VWDE: variants seen among roughly 807,000 people sequenced by gnomAD.
VWDE encodes von Willebrand factor D and EGF domain-containing protein.
A neutral mutation model predicts 178.4 loss-of-function variants in VWDE; 207 were observed. The ratio of observed to expected loss-of-function variants is 1.16; its 90% CI spans 1.04 to 1.30. The LOEUF (loss-of-function observed/expected upper bound fraction) is 1.30. Ranked by LOEUF, VWDE falls within the 50% of genes most tolerant of loss-of-function variation. The probability of loss-of-function intolerance (pLI) is 0.00; values close to 1 mark genes in which losing one functional copy is unlikely to be tolerated. For synonymous variants in VWDE, 738 were observed against 651.4 expected (o/e 1.13, Z -2.02); for missense variants, 2,287 against 1,901.3 (o/e 1.20, Z -3.77).
chr7:12,394,970 C>T (rs1047350388), intron 1 of VWDE, among the ~76,000 whole-genome samples: 3 of 151,982 alleles, frequency 2.0e-5, no homozygotes, highest in Non-Finnish European at 4.4e-5. Flanking sequence ...GTGTAGCCTA[C>T]GAAAAATAAG....
chr7:12,361,054 T>G lies in VWDE; in HGVS notation c.3159+93A>C. 5.3e-6 allele frequency: 4 copies of G among 752,468 alleles called. No homozygotes were observed. In the South Asian group the frequency reaches 9.5e-5, roughly 18 times the overall value. The allele number at this position is 752,468 out of a possible 1,614,324, so 46.6% of individuals were successfully genotyped here. A position where few individuals can be genotyped will look rare whatever the true frequency, so the allele number is the denominator to read the frequency against. On this transcript the variant is annotated intron_variant, in intron 15 of 28. Transcript: ENST00000275358. ...CTTTTCTCTATTAGTTTTTCTGGTATAAAAGTGAAAAAACTACAATTAATG... is the reference window on the plus strand; with the variant it reads ...CTTTTCTCTATTAGTTTTTCTGGTAGAAAAGTGAAAAAACTACAATTAATG...
Position 12,375,234 on chromosome 7 carries a change from A to C in VWDE, c.1025-7T>G. ...AAGCCTAGGTGCTCTCTACCTATTT[A>C]ATGAAAAAATAGGTTTAAAAATTTC... On this transcript the variant is annotated splice_region_variant and splice_polypyrimidine_tract_variant and intron_variant, in intron 7 of 28. Transcript: ENST00000275358. 1 of 1,545,266 alleles carries C rather than the reference A, an allele frequency of 6.5e-7. No individual in the cohort carries two copies. Among genetic ancestry groups the C allele is most frequent in the Non-Finnish European group, 8.8e-7 (1 of 1,142,226 alleles).
intron 28 of VWDE, among the ~76,000 whole-genome samples, chr7:12,332,064 G>A (rs544420943): frequency 6.6e-6 from 1 of 152,072 alleles, no homozygotes. Context: ...GAAGAGGGGA[G>A]CAAGGGATGG....
At chr7:12,332,010 A>C (rs1780749041) in intron 28 of VWDE, among the ~76,000 whole-genome samples, 1 of 152,090 alleles carries the variant, frequency 6.6e-6, no homozygotes, top group African/African-American at 2.4e-5. Context: ...AGGAAGAGCC[A>C]GGAGGTAGTT....
At chr7:12,340,028 A>G (rs1438742438) in intron 24 of VWDE, among the ~76,000 whole-genome samples, 3 of 152,204 alleles carry the variant, frequency 2.0e-5, no homozygotes, top group Non-Finnish European at 4.4e-5. Flanking sequence ...CAATTTCATT[A>G]TAACAGACTA....
chr7:12,338,239 C>A (rs1200934440), intron 24 of VWDE, among the ~76,000 whole-genome samples: 1 of 151,840 alleles, frequency 6.6e-6, no homozygotes, highest in Admixed American at 6.6e-5. Context: ...TTTTAGCAAA[C>A]AGATAATTTC....
At chr7:12,384,453 A>G (rs1784001210) in intron 3 of VWDE, among the ~76,000 whole-genome samples, 1 of 152,102 alleles carries the variant, frequency 6.6e-6, no homozygotes, top group Non-Finnish European at 1.5e-5. Flanking sequence ...GTCCAAACCC[A>G]TAGAATTTAC....
At chr7:12,337,701 C>T (rs1415761957) in intron 24 of VWDE, among the ~76,000 whole-genome samples, 4 of 152,154 alleles carry the variant, frequency 2.6e-5, no homozygotes, top group Admixed American at 6.5e-5. Flanking sequence ...AATTAGCTTT[C>T]GAGTACTTAC....
Position 12,383,751 on chromosome 7 carries a change from T to A in VWDE, c.476-150A>T, listed in dbSNP as rs539072241. On this transcript the variant is annotated intron_variant, in intron 3 of 28. Coordinates refer to ENST00000275358, the MANE Select transcript of VWDE (RefSeq NM_001135924.3). Reference sequence around the variant, plus strand: ...TTATTTCATAACATTTTTTTCCTTTTAAGGGTGAGATCAAATGAAAAGATA... The same window carrying A: ...TTATTTCATAACATTTTTTTCCTTTAAAGGGTGAGATCAAATGAAAAGATA... 22 of 644,682 alleles carry A rather than the reference T, an allele frequency of 3.4e-5. No individual in the cohort carries two copies. The South Asian group carries it at 5.0e-4, about 15-fold the overall frequency. The allele number at this position is 644,682 out of a possible 1,614,324, so 39.9% of individuals were successfully genotyped here.
At chr7:12,362,625 G>C (rs1336538975) in intron 13 of VWDE, among the ~76,000 whole-genome samples, 1 of 152,054 alleles carries the variant, frequency 6.6e-6, no homozygotes, top group Middle Eastern at 3.2e-3. Flanking sequence ...ACTGTCAAAT[G>C]TTTTCAACCA....
chr7:12,364,267 C>T (rs1020346538), intron 13 of VWDE, among the ~76,000 whole-genome samples: 5 of 151,942 alleles, frequency 3.3e-5, no homozygotes, highest in Non-Finnish European at 7.4e-5. Flanking sequence ...ATTAAAAGGG[C>T]CAAGAAGGAT....
chr7:12,347,905 T>C (rs1431907117), intron 19 of VWDE, among the ~76,000 whole-genome samples: 1 of 151,978 alleles, frequency 6.6e-6, no homozygotes, highest in Non-Finnish European at 1.5e-5. Context: ...AACAGAACCC[T>C]CAGAAATAAC....
At chr7:12,336,300 A>G in intron 26 of VWDE, 64 bp from the exon 27 acceptor site, 1 of 1,356,254 alleles carries the variant, frequency 7.4e-7, no homozygotes, top group Non-Finnish European at 1.0e-6. Context: ...TCCATAACCC[A>G]CAAAACTTTT....
chr7:12,393,723 G>T lies in VWDE; in HGVS notation c.114C>A (p.Val38=). The T allele has an allele frequency of 6.4e-7, 1 of 1,551,234 alleles. No individual in the cohort carries two copies. The highest frequency in any genetic ancestry group is 8.7e-7 in the Non-Finnish European group (1 of 1,146,684). The stretch of plus-strand genomic sequence containing the variant: ...GCTGGAGGTGCCATGAGTCAAAACG[G>T]ACACTTCTATAAGGACTCCGAAGAA... ...HQFLRSPYRS[V]RFDSWHLQQS... The change falls in exon 2 of 29, where the codon GTC becomes GTA. Residue 38 remains valine, a synonymous_variant. Coordinates refer to ENST00000275358, the MANE Select transcript of VWDE (RefSeq NM_001135924.3).
intron 9 of VWDE, 41 bp downstream of exon 9, chr7:12,374,648 G>T: frequency 1.5e-6 from 2 of 1,357,520 alleles, no homozygotes; most frequent in Non-Finnish European, 2.0e-6. Flanking sequence ...CAAAATCAAA[G>T]CAAACAAAAC....
At chr7:12,373,759 T>G (rs543921445) in intron 9 of VWDE, among the ~76,000 whole-genome samples, 1 of 152,278 alleles carries the variant, frequency 6.6e-6, no homozygotes, top group East Asian at 1.9e-4. Flanking sequence ...CCCCAGTACT[T>G]AGAACTTGGC....
At chr7:12,378,342 C>G (rs144890422) in intron 6 of VWDE, among the ~76,000 whole-genome samples, 1 of 152,296 alleles carries the variant, frequency 6.6e-6, no homozygotes, top group African/African-American at 2.4e-5. Flanking sequence ...AATTTAAGTA[C>G]TTTTAATACA....
intron 2 of VWDE, among the ~76,000 whole-genome samples, chr7:12,391,873 C>A (rs557886210): frequency 8.5e-5 from 13 of 152,058 alleles, no homozygotes; most frequent in Non-Finnish European, 1.3e-4. Context: ...TCTCCAGGGG[C>A]CAATGGTAGT....
chr7:12,369,745 C>T lies in VWDE; in HGVS notation c.2561G>A (p.Gly854Asp), dbSNP rs1783061447. The T allele has an allele frequency of 1.9e-6, 3 of 1,551,476 alleles. No homozygotes were observed. The highest frequency in any genetic ancestry group is 2.0e-5 in the Admixed American group (1 of 50,962). Residue 854 changes from glycine (G) to aspartate (D), a missense_variant, in exon 12 of 29, where the codon GGT becomes GAT. Gly to Asp is a moderately conservative substitution (Grantham distance 94). Coordinates refer to ENST00000275358, the MANE Select transcript of VWDE (RefSeq NM_001135924.3). ...ACATTCATTTTCTAAAAGGGCCACA[C>T]CTGCTTCTGCCCAACTAAGATCATC... Reference protein sequence around the residue: ...LKDDLSWAEAGVALLENECEK... With the variant: ...LKDDLSWAEADVALLENECEK...
Sources: allele counts gnomAD v4.1 joint callset (sites outside exome capture counted in the v4.1 genomes callset), GRCh38; gene constraint gnomAD v4.1.1; transcripts MANE v1.5; gene names NCBI Gene and HGNC (gene_info 2026-07-23, HGNC 2026-07-21).